The following ZFAND3 variants were observed in gnomAD, a reference collection of about 807,000 sequenced individuals.
ZFAND3 encodes the protein zinc finger AN1-type containing 3.
ZFAND3 carries 10 observed loss-of-function variants against 29.6 expected under a neutral mutation model. That is an observed-to-expected ratio of 0.34 (90% CI 0.21 to 0.57). The LOEUF is 0.57. Ranked by LOEUF, ZFAND3 falls within the 20% of genes least tolerant of loss-of-function variation. The pLI, the probability that ZFAND3 is intolerant of heterozygous loss-of-function variation, is 0.86. For missense variants in ZFAND3, 230 were observed against 304.5 expected (o/e 0.76, Z 1.82); for synonymous variants, 128 against 112.6 (o/e 1.14, Z -0.87).
intron 5 of ZFAND3, among the ~76,000 whole-genome samples, chr6:38,122,018 T>C (rs1384493011): frequency 6.6e-6 from 1 of 152,246 alleles, no homozygotes; most frequent in Admixed American, 6.5e-5. Flanking sequence ...CATTTACTAT[T>C]TGGCACTCAG....
intron 1 of ZFAND3, among the ~76,000 whole-genome samples, chr6:37,861,132 T>C (rs1764482678): frequency 6.6e-6 from 1 of 152,080 alleles, no homozygotes; most frequent in Admixed American, 6.6e-5. Context: ...TGGCACACTC[T>C]TATAATCTAA....
At chr6:38,019,385 T>G (rs1212374133) in intron 2 of ZFAND3, among the ~76,000 whole-genome samples, 7 of 152,252 alleles carry the variant, frequency 4.6e-5, no homozygotes, top group Admixed American at 4.6e-4. Context: ...TTGTCCATTT[T>G]TTCTATTAGA....
At chr6:38,003,825 G>C (rs1374083531) in intron 2 of ZFAND3, 10 of 451,770 alleles carry the variant, frequency 2.2e-5, no homozygotes, top group Non-Finnish European at 4.0e-5. Flanking sequence ...TCTTAACATT[G>C]CTATTTGTAT....
At chr6:38,013,354 T>C (rs1763194058) in intron 2 of ZFAND3, among the ~76,000 whole-genome samples, 2 of 152,348 alleles carry the variant, frequency 1.3e-5, no homozygotes, top group South Asian at 4.1e-4. Flanking sequence ...ATATCTCACC[T>C]TCTTTCGGGA....
chr6:38,020,862 C>T (rs995184274), intron 2 of ZFAND3, among the ~76,000 whole-genome samples: 33 of 152,328 alleles, frequency 2.2e-4, no homozygotes, highest in African/African-American at 6.7e-4. Context: ...TACATAGCTA[C>T]TCTCTTGCTC....
chr6:38,043,453 C>G (rs1763833530), intron 2 of ZFAND3, among the ~76,000 whole-genome samples: 1 of 148,222 alleles, frequency 6.7e-6, no homozygotes, highest in Non-Finnish European at 1.5e-5. Flanking sequence ...CCCTCCCCGT[C>G]TCTTCTCTCC....
At chr6:38,101,079 T>C (rs941188392) in intron 4 of ZFAND3, among the ~76,000 whole-genome samples, 11 of 152,230 alleles carry the variant, frequency 7.2e-5, no homozygotes, top group Admixed American at 4.6e-4. Flanking sequence ...AATGTGGACA[T>C]CTTGATAAAT....
intron 2 of ZFAND3, among the ~76,000 whole-genome samples, chr6:37,969,803 G>A (rs1471136394): frequency 6.6e-6 from 1 of 152,042 alleles, no homozygotes; most frequent in Non-Finnish European, 1.5e-5. Context: ...GAGTATTTGG[G>A]AGATACTTAC....
intron 1 of ZFAND3, among the ~76,000 whole-genome samples, chr6:37,907,347 G>A (rs888680198): frequency 1.3e-5 from 2 of 152,056 alleles, no homozygotes; most frequent in Non-Finnish European, 2.9e-5. Context: ...CAATATTATA[G>A]CATTTCTATC....
At chr6:37,821,662 A>G in intron 1 of ZFAND3, among the ~76,000 whole-genome samples, 1 of 152,206 alleles carries the variant, frequency 6.6e-6, no homozygotes, top group East Asian at 1.9e-4. Flanking sequence ...TCATTGTAAG[A>G]CATATGTCCT....
intron 1 of ZFAND3, among the ~76,000 whole-genome samples, chr6:37,877,350 G>A (rs1022827808): frequency 1.3e-5 from 2 of 152,126 alleles, no homozygotes; most frequent in Non-Finnish European, 2.9e-5. Flanking sequence ...GCTGGTTGTG[G>A]AGTGTTTTTG....
intron 1 of ZFAND3, among the ~76,000 whole-genome samples, chr6:37,922,726 T>C (rs1761406472): frequency 6.6e-6 from 1 of 152,192 alleles, no homozygotes; most frequent in African/African-American, 2.4e-5. Context: ...TAGGCAGTTG[T>C]ATTTGTGTAT....
At chr6:38,102,565 C>A (rs143329573) in intron 4 of ZFAND3, among the ~76,000 whole-genome samples, 5 of 152,282 alleles carry the variant, frequency 3.3e-5, no homozygotes, top group Non-Finnish European at 5.9e-5. Context: ...TATTCGAAGA[C>A]TTCTAGCTTG....
chr6:37,896,578 C>CTCTCTT lies in ZFAND3; in HGVS notation c.72-33376_72-33375insTTCTCT, dbSNP rs1554153883. Among the ~76,000 whole-genome samples the CTCTCTT allele has an allele frequency of 7.9e-5, 6 of 76,168 alleles. No individual in the cohort carries two copies. In the East Asian group the frequency reaches 8.2e-4, roughly 10 times the overall value. The allele number at this position is 76,168 out of a possible 152,430, so 50.0% of individuals were successfully genotyped here. A position where few individuals can be genotyped will look rare whatever the true frequency, so the allele number is the denominator to read the frequency against. On this transcript the variant is annotated intron_variant, in intron 1 of 5. Transcript: ENST00000287218. The stretch of plus-strand genomic sequence containing the variant: ...TCTTTCTTTCTTTCTTTCTCTCTTT[C>CTCTCTT]TCTCTCTTTCTCTTTTTCTTTCTCT...
At chr6:38,078,742 C>T (rs902067064) in intron 3 of ZFAND3, among the ~76,000 whole-genome samples, 2 of 152,176 alleles carry the variant, frequency 1.3e-5, no homozygotes, top group Non-Finnish European at 2.9e-5. Context: ...ATACGTACTA[C>T]ATTTATCTAT....
intron 5 of ZFAND3, among the ~76,000 whole-genome samples, chr6:38,137,245 T>C (rs923948857): frequency 6.6e-6 from 1 of 152,166 alleles, no homozygotes; most frequent in Non-Finnish European, 1.5e-5. Flanking sequence ...AAAGTAAACG[T>C]GCTACTGCAA....
intron 5 of ZFAND3, 65 bp downstream of exon 5, chr6:38,116,804 A>G: frequency 6.4e-7 from 1 of 1,552,422 alleles, no homozygotes; most frequent in South Asian, 1.2e-5. Context: ...AGCTTTGGAA[A>G]TTTAAGTGGC....
intron 2 of ZFAND3, among the ~76,000 whole-genome samples, chr6:37,957,745 T>G (rs1762109071): frequency 6.6e-6 from 1 of 152,152 alleles, no homozygotes; most frequent in Non-Finnish European, 1.5e-5. Context: ...GGACACATGA[T>G]CTACTCTAGG....
At chr6:37,864,584 A>T (rs1205703430) in intron 1 of ZFAND3, among the ~76,000 whole-genome samples, 1 of 152,206 alleles carries the variant, frequency 6.6e-6, no homozygotes, top group Non-Finnish European at 1.5e-5. Flanking sequence ...CCTGTGGAAC[A>T]TGATGAGAAA....
Sources: gnomAD v4.1 joint callset for allele counts (sites outside exome capture counted in the v4.1 genomes callset) on GRCh38, gnomAD v4.1.1 for gene constraint, MANE v1.5 for transcripts, NCBI Gene and HGNC (gene_info 2026-07-23, HGNC 2026-07-21) for gene names.